The following AVEN variants were observed in gnomAD, a reference collection of about 807,000 sequenced individuals.
The protein encoded by AVEN is apoptosis and caspase activation inhibitor.
Under a neutral mutation model 38.1 loss-of-function variants are expected in AVEN, and 41 were observed. That is an observed-to-expected ratio of 1.08 (90% CI 0.84 to 1.40). The LOEUF (loss-of-function observed/expected upper bound fraction) is 1.40. AVEN is among the 40% of genes most tolerant of loss of function. The pLI, the probability that AVEN is intolerant of heterozygous loss-of-function variation, is 0.00. For synonymous variants in AVEN, 206 were observed against 171.8 expected (o/e 1.20, Z -1.56); for missense variants, 605 against 438.8 (o/e 1.38, Z -3.38).
chr15:33,873,849 T>G (rs1255897271), intron 3 of AVEN, among the ~76,000 whole-genome samples: 2 of 152,210 alleles, frequency 1.3e-5, no homozygotes, highest in African/African-American at 4.8e-5. Flanking sequence ...CAAATCTTTC[T>G]TGTCCTTGTG....
chr15:33,875,524 G>A (rs79844695), intron 3 of AVEN, among the ~76,000 whole-genome samples: 2,950 of 152,190 alleles, frequency 0.019, 97 homozygotes, highest in African/African-American at 0.066. Flanking sequence ...GTTATTTAAA[G>A]CTGCAAGGTT....
chr15:33,861,303 C>G (rs1888108704), downstream of AVEN: 1 of 624,064 alleles, frequency 1.6e-6, no homozygotes, highest in African/African-American at 1.8e-5. Flanking sequence ...TCCCCATGAG[C>G]CTGTACCTTT....
chr15:33,867,423 G>C, intron 5 of AVEN, 72 bp downstream of exon 5: 1 of 1,517,070 alleles, frequency 6.6e-7, no homozygotes, highest in Non-Finnish European at 8.8e-7. Context: ...GTGTGCGGAT[G>C]TGATGCGGGC....
At chr15:33,960,844 T>G (rs1895134339) in intron 2 of AVEN, among the ~76,000 whole-genome samples, 1 of 152,224 alleles carries the variant, frequency 6.6e-6, no homozygotes, top group Non-Finnish European at 1.5e-5. Flanking sequence ...CATGCTCATA[T>G]ATCCAGTGTC....
chr15:33,967,098 G>A lies in AVEN; in HGVS notation c.445+35934C>T, dbSNP rs563424518. On this transcript the variant is annotated intron_variant, in intron 2 of 5. Transcript: ENST00000306730. ...AAATTACAATCCTTTTCAGTATCATGCAATGTTAAGTGGGAAAAGTTCAAG... is the reference window on the plus strand; with the variant it reads ...AAATTACAATCCTTTTCAGTATCATACAATGTTAAGTGGGAAAAGTTCAAG... Among the ~76,000 whole-genome samples, 75 of 152,122 alleles carry A rather than the reference G, an allele frequency of 4.9e-4. No individual in the cohort carries two copies. The East Asian group carries it at 5.6e-3, about 11-fold the overall frequency.
chr15:33,897,821 AAAGCAAGTTATG>A (rs1892302894), intron 2 of AVEN, among the ~76,000 whole-genome samples: 1 of 152,088 alleles, frequency 6.6e-6, no homozygotes, highest in African/African-American at 2.4e-5. Flanking sequence ...GTTTTAGGTT[AAAGCAAGTTATG>A]ATTGTGCCAC....
chr15:33,942,252 T>A lies in AVEN; in HGVS notation c.445+60780A>T, dbSNP rs183385087. On this transcript the variant is annotated intron_variant, in intron 2 of 5. Coordinates refer to ENST00000306730, the MANE Select transcript of AVEN (RefSeq NM_020371.3). Reference sequence around the variant, plus strand: ...TGTATAATTTTAAGATCACATTTTTTTATATATTAATGCCCACTCCTCTTG... The same window carrying A: ...TGTATAATTTTAAGATCACATTTTTATATATATTAATGCCCACTCCTCTTG... 2.9e-3 allele frequency among the ~76,000 whole-genome samples: 437 copies of A among 152,282 alleles called. 2 individuals are homozygous for A. The highest frequency in any genetic ancestry group is 0.01 in the African/African-American group (422 of 41,550).
chr15:33,890,192 AG>A (rs1891880812), intron 2 of AVEN, among the ~76,000 whole-genome samples: 2 of 152,186 alleles, frequency 1.3e-5, no homozygotes, highest in Non-Finnish European at 2.9e-5. Flanking sequence ...TGAGGTATAT[AG>A]TGATCTTATC....
rs141295207 is a variant in AVEN, at chr15:33,955,320, C to T, written c.445+47712G>A. Among the ~76,000 whole-genome samples the T allele has an allele frequency of 3.9e-5, 6 of 152,148 alleles. No homozygotes were observed. In the East Asian group the frequency reaches 9.7e-4, roughly 25 times the overall value. ...TGTGAGTGAGAAGGAAAATGTAAATCAAGTTAACTTGTTGGTTTGAACATG... is the reference window on the plus strand; with the variant it reads ...TGTGAGTGAGAAGGAAAATGTAAATTAAGTTAACTTGTTGGTTTGAACATG... On this transcript the variant is annotated intron_variant, in intron 2 of 5. Coordinates refer to ENST00000306730, the MANE Select transcript of AVEN (RefSeq NM_020371.3).
intron 2 of AVEN, among the ~76,000 whole-genome samples, chr15:33,917,399 TGGA>T (rs1353637766): frequency 7.1e-6 from 1 of 140,968 alleles, no homozygotes; most frequent in Non-Finnish European, 1.5e-5. Context: ...CACACACACA[TGGA>T]ATACTACTAT....
At chr15:33,911,547 A>G (rs1180000734) in intron 2 of AVEN, among the ~76,000 whole-genome samples, 2 of 152,226 alleles carry the variant, frequency 1.3e-5, no homozygotes, top group African/African-American at 4.8e-5. Flanking sequence ...AAATTGGGAA[A>G]TAACTCTTCG....
At chr15:34,053,843 T>C (rs1438709480) in intron 5 of AVEN, among the ~76,000 whole-genome samples, 1 of 151,984 alleles carries the variant, frequency 6.6e-6, no homozygotes, top group African/African-American at 2.4e-5. Flanking sequence ...CTAATTAAAC[T>C]AAAGAGCCTC....
intron 2 of AVEN, among the ~76,000 whole-genome samples, chr15:33,946,181 G>GAT (rs1472393374): frequency 2.0e-5 from 3 of 152,080 alleles, no homozygotes; most frequent in Admixed American, 6.6e-5. Flanking sequence ...AAGTATTAAA[G>GAT]ATATATATAT....
At chr15:33,980,548 G>A (rs939904652) in intron 2 of AVEN, among the ~76,000 whole-genome samples, 1 of 152,098 alleles carries the variant, frequency 6.6e-6, no homozygotes, top group African/African-American at 2.4e-5. Context: ...ATACATGTAT[G>A]GGTATCCTGG....
At chr15:33,858,445 G>C (rs1045795132), downstream of AVEN, among the ~76,000 whole-genome samples, 4 of 152,014 alleles carry the variant, frequency 2.6e-5, no homozygotes, top group Admixed American at 6.5e-5. Context: ...GACCTCAGGT[G>C]ATCTGCCCAC....
intron 2 of AVEN, chr15:33,972,450 T>C (rs984991845): frequency 5.3e-5 from 8 of 151,988 alleles, no homozygotes; most frequent in African/African-American, 1.9e-4. Flanking sequence ...TGGACTAGTA[T>C]GAGGGCAGGG....
chr15:34,031,589 G>A (rs1478435969), intron 1 of AVEN, among the ~76,000 whole-genome samples: 1 of 152,146 alleles, frequency 6.6e-6, no homozygotes, highest in Non-Finnish European at 1.5e-5. Context: ...GGACTCAAAG[G>A]TAGAATTAAG....
At chr15:34,062,709 T>G (rs746317478) in intron 5 of AVEN, 2 of 1,596,354 alleles carry the variant, frequency 1.3e-6, no homozygotes, top group African/African-American at 2.7e-5. Flanking sequence ...GTAAAATTTT[T>G]GCACCAGGAT....
At chr15:33,892,796 C>A (rs951930576) in intron 2 of AVEN, among the ~76,000 whole-genome samples, 6 of 151,992 alleles carry the variant, frequency 3.9e-5, no homozygotes, top group Non-Finnish European at 5.9e-5. Flanking sequence ...GGCACTGAAT[C>A]TATAAATTAC....
Sources: gnomAD v4.1 joint callset for allele counts (sites outside exome capture counted in the v4.1 genomes callset) on GRCh38, gnomAD v4.1.1 for gene constraint, MANE v1.5 for transcripts, NCBI Gene and HGNC (gene_info 2026-07-23, HGNC 2026-07-21) for gene names.